Variants in CFAP92 observed in about 807,000 individuals in gnomAD.
CFAP92 encodes the protein uncharacterized protein CFAP92.
CFAP92 carries 86 observed loss-of-function variants against 106.3 expected under a neutral mutation model. That is an observed-to-expected ratio of 0.81 (90% CI 0.68 to 0.97). The LOEUF is 0.97. Ranked by LOEUF, CFAP92 falls within the 50% of genes least tolerant of loss-of-function variation. The pLI is 0.00. For missense variants in CFAP92, 1,204 were observed against 1,283.8 expected, an observed-to-expected ratio of 0.94 and a Z score of 0.95; for synonymous variants, 477 against 506.4, an observed-to-expected ratio of 0.94 and a Z score of 0.78.
At chr3:129,006,402 T>C (rs1056874979), upstream of CFAP92, among the ~76,000 whole-genome samples, 3 of 152,214 alleles carry the variant, frequency 2.0e-5, no homozygotes, top group Admixed American at 6.5e-5. Context: ...CTGCAATCTC[T>C]GCCTCCCAGG....
chr3:128,916,056 A>G (rs1936790495), intron 13 of CFAP92, 51 bp downstream of exon 13: 4 of 1,211,558 alleles, frequency 3.3e-6, no homozygotes, highest in Non-Finnish European at 4.1e-6. Context: ...TGGTCAGAAT[A>G]AAGAACTCAT....
At chr3:128,934,096 C>T (rs911707321) in intron 11 of CFAP92, among the ~76,000 whole-genome samples, 4 of 151,702 alleles carry the variant, frequency 2.6e-5, no homozygotes, top group Admixed American at 2.0e-4. Context: ...CCCCCTCCTC[C>T]GTGCCCCCGC....
At chr3:129,001,987 AC>A (rs1293563334) in intron 1 of CFAP92, 2 of 1,545,744 alleles carry the variant, frequency 1.3e-6, no homozygotes, top group Non-Finnish European at 8.7e-7. Context: ...TTGGCCACGG[AC>A]GGGGACTCAG....
chr3:128,945,494 C>T lies in CFAP92; in HGVS notation c.1835G>A (p.Arg612Lys). The T allele has an allele frequency of 6.5e-7, 1 of 1,536,152 alleles. No individual in the cohort carries two copies. Among genetic ancestry groups the T allele is most frequent in the Non-Finnish European group, 8.7e-7 (1 of 1,146,908 alleles). The change falls in exon 10 of 16, where the codon AGA becomes AAA. Residue 612 changes from arginine (R) to lysine (K), a missense_variant. Physicochemically the swap from Arg to Lys is conservative, Grantham distance 26. Coordinates refer to ENST00000645291, the MANE Select transcript of CFAP92 (RefSeq NM_001394090.1). ...RRKVVGLGVP[R>K]DGHQHGPMPR... ...CATTGGGCCGTGCTGGTGGCCATCT[C>T]TGGGGACCCCAAGCCCCACAACCTT...
At chr3:128,937,373 G>A (rs1939141529) in intron 10 of CFAP92, among the ~76,000 whole-genome samples, 1 of 151,666 alleles carries the variant, frequency 6.6e-6, no homozygotes, top group Non-Finnish European at 1.5e-5. Flanking sequence ...AGTACTATGG[G>A]AGGCCGAGGT....
intron 12 of CFAP92, among the ~76,000 whole-genome samples, chr3:128,920,139 C>T (rs533245534): frequency 4.6e-5 from 7 of 152,350 alleles, no homozygotes; most frequent in African/African-American, 1.4e-4. Flanking sequence ...CATGGTGGCT[C>T]ATGCCTGTAA....
At chr3:129,005,664 G>A (rs1186628586), upstream of CFAP92, among the ~76,000 whole-genome samples, 8 of 152,214 alleles carry the variant, frequency 5.3e-5, no homozygotes, top group Non-Finnish European at 1.0e-4. Flanking sequence ...AGGTGGTCTA[G>A]CCCAGGCTGG....
chr3:128,990,831 A>C (rs1944167477), intron 2 of CFAP92, among the ~76,000 whole-genome samples: 1 of 152,206 alleles, frequency 6.6e-6, no homozygotes, highest in South Asian at 2.1e-4. Flanking sequence ...TGGGAGGTGG[A>C]GGTTGCAGTG....
chr3:128,944,753 C>G (rs1048348560), intron 10 of CFAP92, among the ~76,000 whole-genome samples: 7 of 152,184 alleles, frequency 4.6e-5, no homozygotes, highest in African/African-American at 7.2e-5. Context: ...ATGATCTTCC[C>G]TGGGGCAAGG....
At position 128,988,870 on chromosome 3, in the gene CFAP92, G is replaced by C. The variant is rs772692755; in HGVS notation, c.311C>G (p.Pro104Arg). The change falls in exon 3 of 16, where the codon CCT (proline) becomes CGT (arginine). Residue 104 changes from proline to arginine, a missense_variant. Physicochemically the swap from Pro to Arg is moderately radical, Grantham distance 103. Coordinates refer to ENST00000645291, the MANE Select transcript of CFAP92 (RefSeq NM_001394090.1). ...ASLIEKYKKHPKTDSSVTKMR... is the reference protein window; with the variant it reads ...ASLIEKYKKHRKTDSSVTKMR... ...CTTTGTAACAGAACTGTCTGTTTTA[G>C]GGTGTTTCTTATATTTTTCAATCAA... 3 of 1,613,716 alleles carry C rather than the reference G, an allele frequency of 1.9e-6. No homozygotes were observed. The South Asian group carries it at 3.3e-5, about 18-fold the overall frequency.
At chr3:129,006,715 G>C (rs1234623804), upstream of CFAP92, among the ~76,000 whole-genome samples, 1 of 152,170 alleles carries the variant, frequency 6.6e-6, no homozygotes, top group East Asian at 1.9e-4. Context: ...CAGAGAATGA[G>C]TGATGCTATG....
At chr3:129,021,884 A>AT in the CFAP92 span, among the ~76,000 whole-genome samples, 15 of 151,614 alleles carry the variant, frequency 9.9e-5, no homozygotes, top group African/African-American at 1.5e-4. Flanking sequence ...CATCACATTA[A>AT]TTTTTTTTTG....
At chr3:128,997,306 C>T (rs1323468953), upstream of CFAP92, among the ~76,000 whole-genome samples, 1 of 152,204 alleles carries the variant, frequency 6.6e-6, no homozygotes, top group African/African-American at 2.4e-5. Context: ...CCATTTTTAA[C>T]AGCTTTATTG....
In CFAP92 at chr3:128,999,531, C is replaced by CTTT. The variant is rs5852556; in HGVS notation, n.117+3040_117+3042dup. 4.3e-3 allele frequency among the ~76,000 whole-genome samples: 307 copies of CTTT among 71,602 alleles called. 4 individuals carry two copies. Among genetic ancestry groups the CTTT allele is most frequent in the African/African-American group, 8.3e-3 (133 of 16,094 alleles). 47.0% of individuals were successfully genotyped at this position (71,602 alleles called of 152,430 possible). A position where few individuals can be genotyped will look rare whatever the true frequency, so the allele number is the denominator to read the frequency against. On this transcript the variant is annotated intron_variant and non_coding_transcript_variant, in intron 1 of 4. Coordinates refer to the CFAP92 transcript ENST00000510149. ...GGCTGACATGAAATAAAATCAGGTT[C>CTTT]TTTTTTTTTTTTTTTTTTTTTTTTT...
intron 15 of CFAP92, among the ~76,000 whole-genome samples, chr3:128,913,434 C>G (rs2107674246): frequency 1.3e-5 from 2 of 152,294 alleles, no homozygotes; most frequent in Admixed American, 1.3e-4. Flanking sequence ...GGCCAGCAGG[C>G]CTTTGCATTT....
intron 4 of CFAP92, among the ~76,000 whole-genome samples, chr3:128,982,272 T>C (rs1444935024): frequency 2.0e-5 from 3 of 152,248 alleles, no homozygotes; most frequent in Non-Finnish European, 2.9e-5. Context: ...TGTTTCACCT[T>C]ACACTTTTAT....
At chr3:128,911,940 A>G (rs905207588) in intron 15 of CFAP92, among the ~76,000 whole-genome samples, 1 of 152,186 alleles carries the variant, frequency 6.6e-6, no homozygotes, top group Non-Finnish European at 1.5e-5. Context: ...CTCTGTCTGC[A>G]GTGCTCTTCC....
At chr3:128,977,361 G>A (rs1943222764) in intron 5 of CFAP92, among the ~76,000 whole-genome samples, 1 of 152,030 alleles carries the variant, frequency 6.6e-6, no homozygotes, top group African/African-American at 2.4e-5. Flanking sequence ...TTACATTAGA[G>A]AATAATGAAA....
intron 12 of CFAP92, among the ~76,000 whole-genome samples, chr3:128,917,827 T>G (rs1250510743): frequency 6.6e-6 from 1 of 152,032 alleles, no homozygotes; most frequent in Non-Finnish European, 1.5e-5. Context: ...AAGATAAAAT[T>G]AGAAACTGAG....
Sources: allele counts gnomAD v4.1 joint callset (sites outside exome capture counted in the v4.1 genomes callset), GRCh38; gene constraint gnomAD v4.1.1; transcripts MANE v1.5; gene names NCBI Gene and HGNC (gene_info 2026-07-23, HGNC 2026-07-21).